GRAMD4: variants seen among roughly 807,000 people sequenced by gnomAD.
GRAMD4 encodes GRAM domain containing 4, also known as GRAM domain-containing protein 4.
In GRAMD4, 25 loss-of-function variants were observed where a neutral mutation model predicts 83.9. That is an observed-to-expected ratio of 0.30 (90% CI 0.22 to 0.42). The LOEUF is 0.42. Among genes scored for constraint, GRAMD4 ranks in the 10% least tolerant of loss-of-function variants. GRAMD4 has a pLI of 1.00. For synonymous variants in GRAMD4, 336 were observed against 320.9 expected, an observed-to-expected ratio of 1.05 and a Z score of -0.50; for missense variants, 593 against 788.7, an observed-to-expected ratio of 0.75 and a Z score of 2.97.
intron 1 of GRAMD4, among the ~76,000 whole-genome samples, chr22:46,578,576 G>A (rs753726459): frequency 6.6e-6 from 1 of 152,150 alleles, no homozygotes; most frequent in Admixed American, 6.5e-5. Flanking sequence ...CTGTGGCTGA[G>A]CCTGAAGTCT....
chr22:46,646,092 C>G (rs2147266297), intron 3 of GRAMD4, among the ~76,000 whole-genome samples: 1 of 152,334 alleles, frequency 6.6e-6, no homozygotes, highest in East Asian at 1.9e-4. Context: ...GACTGCCTTT[C>G]TTCTTCCTGT....
At chr22:46,613,461 AG>A (rs1384246683) in intron 1 of GRAMD4, among the ~76,000 whole-genome samples, 1 of 152,264 alleles carries the variant, frequency 6.6e-6, no homozygotes, top group African/African-American at 2.4e-5. Context: ...TGCAACCCCT[AG>A]CCCCGCACAG....
chr22:46,628,158 C>T (rs1049536623), intron 2 of GRAMD4, among the ~76,000 whole-genome samples: 1 of 152,216 alleles, frequency 6.6e-6, no homozygotes, highest in African/African-American at 2.4e-5. Context: ...CCGACACATA[C>T]ATGGTTCAAC....
Position 46,677,893 on chromosome 22 carries a change from GCCCACC to G in GRAMD4, c.*645_*650del, listed in dbSNP as rs2082622716. 1.0e-6 allele frequency: 1 copy of G among 985,182 alleles called. No homozygotes were observed. Among genetic ancestry groups the G allele is most frequent in the African/African-American group, 1.7e-5 (1 of 57,372 alleles). 61.0% of individuals were successfully genotyped at this position (985,182 alleles called of 1,614,324 possible). A position where few individuals can be genotyped will look rare whatever the true frequency, so the allele number is the denominator to read the frequency against. On this transcript the variant is annotated 3_prime_UTR_variant, in exon 19 of 19. Transcript: ENST00000406902. ...CACGGGAACAGAGAGGGTGAGAAGG[GCCCACC>G]CCTCGCCTGCCCTCAGTGTCTTTGG...
chr22:46,579,964 C>T (rs913145378), intron 1 of GRAMD4, among the ~76,000 whole-genome samples: 1 of 152,112 alleles, frequency 6.6e-6, no homozygotes, highest in African/African-American at 2.4e-5. Flanking sequence ...GGAGGGAAGA[C>T]ACCAGGGACT....
intron 1 of GRAMD4, among the ~76,000 whole-genome samples, chr22:46,606,959 C>A (rs1462453641): frequency 6.6e-6 from 1 of 152,172 alleles, no homozygotes; most frequent in African/African-American, 2.4e-5. Context: ...TTTCCCTGGC[C>A]CCCTGTATGG....
chr22:46,616,882 C>T (rs1299977130), upstream of GRAMD4, among the ~76,000 whole-genome samples: 6 of 22,136 alleles, frequency 2.7e-4, no homozygotes, highest in African/African-American at 9.1e-4. Context: ...GTGTAGGTTC[C>T]CCTGTGCGTG....
chr22:46,660,803 G>A (rs1040767358), intron 4 of GRAMD4, among the ~76,000 whole-genome samples: 1 of 152,206 alleles, frequency 6.6e-6, no homozygotes, highest in Non-Finnish European at 1.5e-5. Context: ...CTTCCCAAGA[G>A]TTAGGAAGGT....
rs1020988387 is a variant in GRAMD4, at chr22:46,622,000, C to T, written c.-50+1435C>T. On this transcript the variant is annotated intron_variant, in intron 1 of 18. Coordinates refer to ENST00000406902, the MANE Select transcript of GRAMD4 (RefSeq NM_015124.5). The surrounding 1 kb of genome is among the most constrained non-coding windows in gnomAD (Gnocchi z 5.8). ...CGCCCTCCCCAAGGGCCGCTGTGAA[C>T]CATCCAGCAGGATGACCCTGGGTTT... is the stretch of plus-strand genomic sequence containing the variant. Among the ~76,000 whole-genome samples, 9 of 152,182 alleles carry T rather than the reference C, an allele frequency of 5.9e-5. No homozygotes were observed. The highest frequency in any genetic ancestry group is 2.2e-4 in the African/African-American group (9 of 41,440).
Position 46,664,108 on chromosome 22 carries a change from T to C in GRAMD4, c.708T>C (p.Ile236=). ...SDWYSVYTSA[I]AFTVYMNAVW... ...GGTACTCCGTCTACACGTCTGCCATTGCCTTCACCGTGAGTGGGTCCTCCA... is the reference window on the plus strand; with the variant it reads ...GGTACTCCGTCTACACGTCTGCCATCGCCTTCACCGTGAGTGGGTCCTCCA... The change falls in exon 8 of 19, where the codon ATT becomes ATC. Residue 236 remains isoleucine, a synonymous_variant. Coordinates refer to ENST00000406902, the MANE Select transcript of GRAMD4 (RefSeq NM_015124.5). The C allele has an allele frequency of 6.2e-7, 1 of 1,604,796 alleles. No individual in the cohort carries two copies. The highest frequency in any genetic ancestry group is 1.1e-5 in the South Asian group (1 of 90,932).
chr22:46,612,740 A>G (rs889040533), intron 1 of GRAMD4, among the ~76,000 whole-genome samples: 9 of 152,346 alleles, frequency 5.9e-5, no homozygotes, highest in African/African-American at 2.2e-4. Flanking sequence ...GGGCTGGATC[A>G]CGGATGGGAG....
intron 5 of GRAMD4, 23 bp downstream of exon 5, chr22:46,661,465 A>ACAGG (rs763001741): frequency 6.3e-7 from 1 of 1,577,414 alleles, no homozygotes; most frequent in Admixed American, 1.7e-5. Context: ...GGGCGGGTGG[A>ACAGG]CAGGCAGGCG....
Position 46,666,825 on chromosome 22 carries a change from G to A in GRAMD4, c.810G>A (p.Arg270=), listed in dbSNP as rs1056142937. The change falls in exon 10 of 19, where the codon AGG becomes AGA. Residue 270 remains arginine, a splice_region_variant and synonymous_variant. Transcript: ENST00000406902. ...GGTGTGTGTGTTTTCTGTTCGCCAG[G>A]GGGTGGCGGATACAGTGGAGCATCG... is the stretch of plus-strand genomic sequence containing the variant. ...LRLSLNYLIA[R]GWRIQWSIVP... The A allele has an allele frequency of 6.2e-6, 10 of 1,610,530 alleles. No individual in the cohort carries two copies. The Admixed American group carries it at 6.7e-5, about 11-fold the overall frequency.
At chr22:46,664,737 G>C (rs939715475) in intron 8 of GRAMD4, among the ~76,000 whole-genome samples, 10 of 152,250 alleles carry the variant, frequency 6.6e-5, no homozygotes, top group African/African-American at 2.4e-4. Context: ...GGAAGATGCA[G>C]GCAGCCCACC....
At chr22:46,655,535 G>C (rs2082230281) in intron 3 of GRAMD4, among the ~76,000 whole-genome samples, 1 of 152,138 alleles carries the variant, frequency 6.6e-6, no homozygotes, top group African/African-American at 2.4e-5. Context: ...ATGTGTAGGG[G>C]GTGAAGGGCC....
chr22:46,577,698 G>T (rs1178469139), intron 1 of GRAMD4, among the ~76,000 whole-genome samples: 2 of 152,142 alleles, frequency 1.3e-5, no homozygotes, highest in Non-Finnish European at 2.9e-5. Context: ...GGTGGGACGG[G>T]AGAGGAGGAG....
At chr22:46,674,600 G>T in intron 15 of GRAMD4, 57 bp from the exon 16 acceptor site, 1 of 1,185,442 alleles carries the variant, frequency 8.4e-7, no homozygotes, top group Non-Finnish European at 1.3e-6. Flanking sequence ...CCCAGCGTCA[G>T]GTCAGAGGCT....
At chr22:46,600,777 TATTA>T (rs893170629) in intron 1 of GRAMD4, among the ~76,000 whole-genome samples, 26 of 152,228 alleles carry the variant, frequency 1.7e-4, no homozygotes, top group African/African-American at 6.0e-4. Context: ...TAAAAAGATT[TATTA>T]ATTTACTGAA....
Position 46,588,002 on chromosome 22 carries a change from G to C in GRAMD4, c.-50+10712G>C, listed in dbSNP as rs564413600. 5 of 944,636 alleles carry C rather than the reference G, an allele frequency of 5.3e-6. No homozygotes were observed. The South Asian group carries it at 1.5e-4, about 28-fold the overall frequency. The allele number at this position is 944,636 out of a possible 1,614,324, so 58.5% of individuals were successfully genotyped here. On this transcript the variant is annotated intron_variant, in intron 1 of 1. Coordinates refer to the GRAMD4 transcript ENST00000431155. ...GGGCCTGGTCAGGAGGGGCACAGGC[G>C]GGGAGGGAGTGGGTGGTGTCTACTT...
Sources: gnomAD v4.1 joint callset for allele counts (sites outside exome capture counted in the v4.1 genomes callset) on GRCh38, gnomAD v4.1.1 for gene constraint, Gnocchi (gnomAD v3.1) non-coding constraint, MANE v1.5 for transcripts, NCBI Gene and HGNC (gene_info 2026-07-23, HGNC 2026-07-21) for gene names.